Variants in ERBB4 observed in about 807,000 individuals in gnomAD.
ERBB4 encodes erb-b2 receptor tyrosine kinase 4.
A neutral mutation model predicts 158.0 loss-of-function variants in ERBB4; 42 were observed. The ratio of observed to expected loss-of-function variants is 0.27; its 90% CI spans 0.21 to 0.34. The LOEUF (loss-of-function observed/expected upper bound fraction) is 0.34. Ranked by LOEUF, ERBB4 falls within the 10% of genes least tolerant of loss-of-function variation. ERBB4 has a pLI of 1.00. For missense variants in ERBB4, 1,333 were observed against 1,624.1 expected, an observed-to-expected ratio of 0.82 and a Z score of 3.08; for synonymous variants, 583 against 558.7, an observed-to-expected ratio of 1.04 and a Z score of -0.61.
At chr2:211,847,200 ATGAGT>A (rs546931511) in intron 3 of ERBB4, among the ~76,000 whole-genome samples, 144 of 152,258 alleles carry the variant, frequency 9.5e-4, no homozygotes, top group African/African-American at 3.3e-3. Flanking sequence ...TCCTCCTAAA[ATGAGT>A]TTGTGCAAAT....
intron 1 of ERBB4, among the ~76,000 whole-genome samples, chr2:212,408,871 A>G (rs986017808): frequency 2.0e-5 from 3 of 152,172 alleles, no homozygotes; most frequent in Non-Finnish European, 4.4e-5. Flanking sequence ...GACATTTAAA[A>G]GCAATCCTGA....
At chr2:212,500,338 T>G (rs762650626) in intron 1 of ERBB4, among the ~76,000 whole-genome samples, 15 of 152,092 alleles carry the variant, frequency 9.9e-5, no homozygotes, top group Non-Finnish European at 1.6e-4. Context: ...CCACTCCAGA[T>G]AATTGGCAGT....
chr2:212,051,434 C>G (rs2125396357), intron 2 of ERBB4, among the ~76,000 whole-genome samples: 1 of 152,104 alleles, frequency 6.6e-6, no homozygotes, highest in Admixed American at 6.6e-5. Context: ...TTCACTAAGA[C>G]TTTTATTTTT....
At chr2:212,268,001 G>C (rs2085210938) in intron 1 of ERBB4, among the ~76,000 whole-genome samples, 1 of 151,828 alleles carries the variant, frequency 6.6e-6, no homozygotes, top group South Asian at 2.1e-4. Context: ...AGAGTGCTAT[G>C]CCCAATACAG....
chr2:212,044,911 G>T (rs1249046949), intron 2 of ERBB4, among the ~76,000 whole-genome samples: 1 of 151,674 alleles, frequency 6.6e-6, no homozygotes, highest in African/African-American at 2.4e-5. Context: ...GGATAGATAC[G>T]ATTTCAGTAT....
At chr2:211,642,501 T>A (rs530784529) in intron 16 of ERBB4, among the ~76,000 whole-genome samples, 1 of 152,222 alleles carries the variant, frequency 6.6e-6, no homozygotes, top group African/African-American at 2.4e-5. Flanking sequence ...TTTACTTTCC[T>A]ACTTATGCCC....
At chr2:211,651,394 C>G (rs190660529) in intron 16 of ERBB4, among the ~76,000 whole-genome samples, 3 of 152,118 alleles carry the variant, frequency 2.0e-5, no homozygotes, top group Admixed American at 2.0e-4. Context: ...TGCTCAAGTA[C>G]CCAGGGTAGG....
intron 3 of ERBB4, among the ~76,000 whole-genome samples, chr2:211,795,264 C>T (rs531439673): frequency 6.6e-6 from 1 of 151,776 alleles, no homozygotes; most frequent in African/African-American, 2.4e-5. Context: ...AAATAAAGCT[C>T]ATAATCTAGT....
At chr2:212,077,801 C>G (rs950069592) in intron 2 of ERBB4, among the ~76,000 whole-genome samples, 1 of 152,052 alleles carries the variant, frequency 6.6e-6, no homozygotes, top group Non-Finnish European at 1.5e-5. Flanking sequence ...AAATGAAAAG[C>G]AATACTTTAG....
chr2:212,215,123 T>C (rs915868247), intron 1 of ERBB4, among the ~76,000 whole-genome samples: 3 of 151,592 alleles, frequency 2.0e-5, no homozygotes, highest in African/African-American at 7.2e-5. Flanking sequence ...GGTGCTTGTA[T>C]ATCCTGTCAC....
intron 1 of ERBB4, among the ~76,000 whole-genome samples, chr2:212,335,002 A>G (rs1223133646): frequency 1.3e-5 from 2 of 151,960 alleles, no homozygotes; most frequent in Non-Finnish European, 2.9e-5. Context: ...AATATATTTT[A>G]AAGAAAATGC....
chr2:212,271,951 A>G (rs939423247), intron 1 of ERBB4, among the ~76,000 whole-genome samples: 7 of 151,786 alleles, frequency 4.6e-5, no homozygotes, highest in Admixed American at 4.6e-4. Context: ...CAAACTTAAG[A>G]GTCCGGTTCT....
chr2:211,678,541 G>A (rs1432562750), intron 13 of ERBB4, among the ~76,000 whole-genome samples: 1 of 152,164 alleles, frequency 6.6e-6, no homozygotes, highest in East Asian at 1.9e-4. Flanking sequence ...AGTAAACTAT[G>A]TATTTGAACT....
chr2:211,474,004 T>C (rs1263775094), intron 20 of ERBB4, among the ~76,000 whole-genome samples: 1 of 152,026 alleles, frequency 6.6e-6, no homozygotes, highest in Admixed American at 6.6e-5. Context: ...CAAAGGTTTT[T>C]CTCCCTTCTT....
At chr2:211,667,420 T>C (rs949924050) in intron 14 of ERBB4, among the ~76,000 whole-genome samples, 23 of 151,794 alleles carry the variant, frequency 1.5e-4, no homozygotes, top group Admixed American at 1.5e-3. Context: ...TATTTCACTA[T>C]TTTGCTGTGA....
At position 212,445,055 on chromosome 2, in the gene ERBB4, G is replaced by A. The variant is rs532046310; in HGVS notation, c.82+93394C>T. On this transcript the variant is annotated intron_variant, in intron 1 of 27. Transcript: ENST00000342788. ...CCAAGGCACTCACTTTATAGCTAAA[G>A]AACTGTGGCAGTGGGCTCATGCTCA... 2.6e-5 allele frequency among the ~76,000 whole-genome samples: 4 copies of A among 152,018 alleles called. No homozygotes were observed. The South Asian group carries it at 8.3e-4, about 32-fold the overall frequency.
intron 1 of ERBB4, among the ~76,000 whole-genome samples, chr2:212,328,969 GC>G (rs1230897632): frequency 6.6e-6 from 1 of 151,840 alleles, no homozygotes; most frequent in Non-Finnish European, 1.5e-5. Flanking sequence ...GATAACTTTT[GC>G]CCCAAATAAG....
In ERBB4 at chr2:211,532,283, A is replaced by C. The variant is rs140854928; in HGVS notation, c.2487+29620T>G. On this transcript the variant is annotated intron_variant, in intron 20 of 27. Transcript: ENST00000342788. ...TTGTACATTTTAAAGTAACTAAAAG[A>C]GTATAATTAGATTGTTTGTAACTCA... is the stretch of plus-strand genomic sequence containing the variant. Among the ~76,000 whole-genome samples, 26 of 152,212 alleles carry C rather than the reference A, an allele frequency of 1.7e-4. No individual in the cohort carries two copies. The East Asian group carries it at 5.0e-3, about 29-fold the overall frequency.
intron 1 of ERBB4, among the ~76,000 whole-genome samples, chr2:212,382,456 A>G (rs1225663106): frequency 2.0e-5 from 3 of 150,910 alleles, no homozygotes; most frequent in Non-Finnish European, 4.5e-5. Context: ...GTAGTATACA[A>G]CTGCATATAT....
Sources: gnomAD v4.1 joint callset for allele counts (sites outside exome capture counted in the v4.1 genomes callset) on GRCh38, gnomAD v4.1.1 for gene constraint, MANE v1.5 for transcripts, NCBI Gene and HGNC (gene_info 2026-07-23, HGNC 2026-07-21) for gene names.